NHS: variants seen among roughly 807,000 people sequenced by gnomAD.
NHS encodes NHS actin remodeling regulator, also known as actin remodeling regulator NHS.
A neutral mutation model predicts 72.5 loss-of-function variants in NHS; 5 were observed. That is an observed-to-expected ratio of 0.07 (90% CI 0.04 to 0.14). The LOEUF (loss-of-function observed/expected upper bound fraction) is 0.14, where lower values mean the gene tolerates loss of function less well. Among genes scored for constraint, NHS ranks in the 10% least tolerant of loss-of-function variants. The pLI is 1.00. For missense variants in NHS, 1,072 were observed against 1,355.7 expected (o/e 0.79, Z 3.29); for synonymous variants, 464 against 547.7 (o/e 0.85, Z 2.13).
intron 1 of NHS, among the ~76,000 whole-genome samples, chrX:17,572,721 A>G (rs1293147803): frequency 2.7e-5 from 3 of 110,539 alleles, no homozygotes; most frequent in Admixed American, 1.9e-4. Context: ...TCCTGTCGCT[A>G]TGATGCTAGC....
intron 1 of NHS, among the ~76,000 whole-genome samples, chrX:17,482,818 T>A (rs1333985129): frequency 8.9e-6 from 1 of 112,518 alleles, no homozygotes; most frequent in Non-Finnish European, 1.9e-5. Flanking sequence ...TAAATTTTTT[T>A]AAAGTTTTAT....
chrX:17,462,604 T>C (rs1014630742), intron 1 of NHS, among the ~76,000 whole-genome samples: 1 of 112,099 alleles, frequency 8.9e-6, no homozygotes, highest in African/African-American at 3.2e-5. Flanking sequence ...AAATGTACTT[T>C]ATGAAAGTAC....
At chrX:17,569,374 A>T (rs1426162246) in intron 1 of NHS, among the ~76,000 whole-genome samples, 3 of 104,604 alleles carry the variant, frequency 2.9e-5, no homozygotes, top group Non-Finnish European at 5.6e-5. Context: ...CTGGTGTGAG[A>T]TGGTATCTCA....
At chrX:17,379,748 G>GT (rs940412945) in intron 1 of NHS, among the ~76,000 whole-genome samples, 1 of 112,096 alleles carries the variant, frequency 8.9e-6, no homozygotes, top group Non-Finnish European at 1.9e-5. Flanking sequence ...GCACTCCAGC[G>GT]TGGGCAACAA....
intron 1 of NHS, among the ~76,000 whole-genome samples, chrX:17,538,591 T>G (rs747927010): frequency 4.3e-4 from 48 of 111,458 alleles, no homozygotes; most frequent in Non-Finnish European, 6.0e-4. Context: ...GGCACTTCTG[T>G]GCTCCAGTGA....
At chrX:17,473,303 G>A (rs533446842) in intron 1 of NHS, among the ~76,000 whole-genome samples, 1 of 112,053 alleles carries the variant, frequency 8.9e-6, no homozygotes, top group African/African-American at 3.2e-5. Context: ...CTGAGAGGGA[G>A]GATGCTTCTT....
chrX:17,395,508 A>G (rs2064470184), intron 1 of NHS, among the ~76,000 whole-genome samples: 2 of 112,484 alleles, frequency 1.8e-5, no homozygotes, highest in Non-Finnish European at 3.8e-5. Context: ...TGGACACACA[A>G]GTTTCTTTTC....
intron 3 of NHS, among the ~76,000 whole-genome samples, chrX:17,701,569 G>C (rs1325944407): frequency 1.8e-5 from 2 of 111,539 alleles, no homozygotes; most frequent in Admixed American, 9.5e-5. Context: ...AAAAAGTCCT[G>C]GGGGTGCCTA....
At chrX:17,472,553 A>C (rs1246268680) in intron 1 of NHS, among the ~76,000 whole-genome samples, 1 of 112,357 alleles carries the variant, frequency 8.9e-6, no homozygotes, top group Non-Finnish European at 1.9e-5. Context: ...TTCTAAATGC[A>C]GGGAAGGACA....
chrX:17,641,985 A>C (rs2065883479), intron 1 of NHS, among the ~76,000 whole-genome samples: 1 of 110,972 alleles, frequency 9.0e-6, no homozygotes, highest in Non-Finnish European at 1.9e-5. Flanking sequence ...TTGCTCTGTC[A>C]CTGAGGCTGG....
At chrX:17,625,283 C>T (rs990520836) in intron 1 of NHS, among the ~76,000 whole-genome samples, 2 of 111,019 alleles carry the variant, frequency 1.8e-5, no homozygotes, top group Admixed American at 1.9e-4. Context: ...ACATGTCACT[C>T]ATGAAAGAAT....
intron 1 of NHS, among the ~76,000 whole-genome samples, chrX:17,634,210 G>A (rs779225327): frequency 7.2e-4 from 81 of 112,326 alleles, no homozygotes; most frequent in African/African-American, 2.4e-3. Flanking sequence ...GATCTGGGCT[G>A]TCTTAATGCA....
intron 1 of NHS, among the ~76,000 whole-genome samples, chrX:17,572,799 T>C (rs1202492022): frequency 2.7e-5 from 3 of 111,764 alleles, no homozygotes; most frequent in Non-Finnish European, 3.8e-5. Context: ...TTTGGCATGT[T>C]TTTGCAGTGG....
Position 17,530,086 on chromosome X carries a change from A to G in NHS, c.565+153764A>G, listed in dbSNP as rs763261838. On this transcript the variant is annotated intron_variant, in intron 1 of 8. Coordinates refer to ENST00000676302, the MANE Select transcript of NHS (RefSeq NM_001291867.2). ...GAAAGAACAAAGATGCTTTCCCTGCACTGACTCCAAGTTGAAGCTAGTCAA... is the reference window on the plus strand; with the variant it reads ...GAAAGAACAAAGATGCTTTCCCTGCGCTGACTCCAAGTTGAAGCTAGTCAA... Among the ~76,000 whole-genome samples the G allele has an allele frequency of 8.2e-5, 9 of 110,398 alleles. No individual in the cohort carries two copies. In the Admixed American group the frequency reaches 8.6e-4, roughly 11 times the overall value.
chrX:17,543,743 C>A (rs1206551121), intron 1 of NHS, among the ~76,000 whole-genome samples: 2 of 111,568 alleles, frequency 1.8e-5, no homozygotes, highest in African/African-American at 6.5e-5. Flanking sequence ...TGTCAATTTC[C>A]CCTAACATCT....
intron 1 of NHS, among the ~76,000 whole-genome samples, chrX:17,419,720 G>A (rs1026870485): frequency 4.5e-5 from 5 of 111,337 alleles, no homozygotes; most frequent in African/African-American, 6.5e-5. Context: ...CCCACCTCAA[G>A]GATCTGTTGC....
chrX:17,595,928 T>C (rs775981740), intron 1 of NHS, among the ~76,000 whole-genome samples: 5 of 111,721 alleles, frequency 4.5e-5, no homozygotes, highest in African/African-American at 1.3e-4. Context: ...AAAAGTGAAT[T>C]TATATGGCTC....
intron 1 of NHS, among the ~76,000 whole-genome samples, chrX:17,521,898 G>A (rs1382189716): frequency 8.9e-6 from 1 of 112,686 alleles, no homozygotes; most frequent in Non-Finnish European, 1.9e-5. Flanking sequence ...ACTAAGAAAC[G>A]GTCTTCATTT....
rs144173623 is a variant in NHS at position 17,509,936 on chromosome X, G to T, written c.565+133614G>T. Among the ~76,000 whole-genome samples the T allele has an allele frequency of 5.5e-3, 621 of 112,604 alleles. 2 individuals carry two copies. The highest frequency in any genetic ancestry group is 0.018 in the African/African-American group (575 of 31,082). ...GACAATTCCAGCGTCTCTACATTGTGCTTATGCAGCAAATATAATCCAGCA... is the reference window on the plus strand; with the variant it reads ...GACAATTCCAGCGTCTCTACATTGTTCTTATGCAGCAAATATAATCCAGCA... On this transcript the variant is annotated intron_variant, in intron 1 of 8. Transcript: ENST00000676302.
Sources: gnomAD v4.1 joint callset for allele counts (sites outside exome capture counted in the v4.1 genomes callset) on GRCh38, gnomAD v4.1.1 for gene constraint, MANE v1.5 for transcripts, NCBI Gene and HGNC (gene_info 2026-07-23, HGNC 2026-07-21) for gene names.